The following ARHGAP39 variants were observed in gnomAD, a reference collection of about 807,000 sequenced individuals.
ARHGAP39 encodes rho GTPase-activating protein 39.
Under a neutral mutation model 106.9 loss-of-function variants are expected in ARHGAP39, and 44 were observed. The observed-to-expected ratio is 0.41, with a 90% confidence interval of 0.32 to 0.53. The LOEUF is 0.53. ARHGAP39 is among the 20% of genes least tolerant of loss of function. ARHGAP39 has a pLI of 0.21. For synonymous variants in ARHGAP39, 768 were observed against 693.2 expected (o/e 1.11, Z -1.69); for missense variants, 1,496 against 1,577.3 (o/e 0.95, Z 0.87).
In ARHGAP39 at chr8:144,681,912, TGAG is replaced by T. The variant is rs1822429867; in HGVS notation, c.-82+3771_-82+3773del. Among the ~76,000 whole-genome samples, 4 of 152,272 alleles carry T rather than the reference TGAG, an allele frequency of 2.6e-5. No individual in the cohort carries two copies. The South Asian group carries it at 6.2e-4, about 24-fold the overall frequency. On this transcript the variant is annotated intron_variant, in intron 1 of 11. Coordinates refer to ENST00000377307, the MANE Select transcript of ARHGAP39 (RefSeq NM_025251.3). ...TACAGAGGGAAGAGGTGACCAGACT[TGAG>T]GAGGACCATCTCCTTGAGAAATATG... is the stretch of plus-strand genomic sequence containing the variant.
rs1171905324 is a variant in ARHGAP39 at position 144,684,623 on chromosome 8, G to A, written c.-82+1063C>T. Among the ~76,000 whole-genome samples, 1 of 152,156 alleles carries A rather than the reference G, an allele frequency of 6.6e-6. No individual in the cohort carries two copies. Reference sequence around the variant, plus strand: ...CACACCCACAGCTGCCAAGGAGCCGGCTGCACGTTTTAAAATAAAAAACGT... The same window carrying A: ...CACACCCACAGCTGCCAAGGAGCCGACTGCACGTTTTAAAATAAAAAACGT... On this transcript the variant is annotated intron_variant, in intron 1 of 11. Coordinates refer to ENST00000377307, the MANE Select transcript of ARHGAP39 (RefSeq NM_025251.3). The surrounding 1 kb of genome is among the most constrained non-coding windows in gnomAD (Gnocchi z 4.4).
intron 1 of ARHGAP39, among the ~76,000 whole-genome samples, chr8:144,650,001 G>C (rs1386714063): frequency 6.6e-6 from 1 of 151,914 alleles, no homozygotes; most frequent in Non-Finnish European, 1.5e-5. Context: ...AAACCAGCCG[G>C]GCATGGTGGT....
intron 1 of ARHGAP39, among the ~76,000 whole-genome samples, chr8:144,627,554 C>CA (rs386414277): frequency 0.057 from 5,919 of 103,744 alleles, 698 homozygotes; most frequent in African/African-American, 0.21. Context: ...GACTCCATCT[C>CA]AAAAAAAAAA....
At chr8:144,637,711 C>CT (rs544955777) in intron 1 of ARHGAP39, among the ~76,000 whole-genome samples, 20 of 148,652 alleles carry the variant, frequency 1.3e-4, no homozygotes, top group South Asian at 8.6e-4. Context: ...CTCTCTCTCT[C>CT]TTTTTTTTTT....
In ARHGAP39 at chr8:144,670,142, G is replaced by C. The variant is rs149975049; in HGVS notation, c.-82+15544C>G. ...AGCAACAGAGCTCGGATGCATGCTA[G>C]AGCGTACCGGGAAGCAGGATCAGGG... On this transcript the variant is annotated intron_variant, in intron 1 of 11. Coordinates refer to ENST00000377307, the MANE Select transcript of ARHGAP39 (RefSeq NM_025251.3). This position sits in a 1 kb window ranked among gnomAD's most constrained non-coding sequence, Gnocchi z 4.4. 1.2e-3 allele frequency among the ~76,000 whole-genome samples: 182 copies of C among 152,282 alleles called. No homozygotes were observed. The highest frequency in any genetic ancestry group is 2.9e-3 in the Admixed American group (45 of 15,304).
At position 144,590,105 on chromosome 8, in the gene ARHGAP39, A is replaced by G. The variant is rs138110780; in HGVS notation, c.81-8828T>C. 2.7e-3 allele frequency among the ~76,000 whole-genome samples: 406 copies of G among 152,316 alleles called. 2 individuals carry two copies. Among genetic ancestry groups the G allele is most frequent in the Non-Finnish European group, 4.0e-3 (270 of 68,020 alleles). On this transcript the variant is annotated intron_variant, in intron 2 of 11. Transcript: ENST00000377307. Reference sequence around the variant, plus strand: ...TTGGTGGGCTCACCAGGGACACCACATGGCACGTGGGACAGAGGCCAGAGA... The same window carrying G: ...TTGGTGGGCTCACCAGGGACACCACGTGGCACGTGGGACAGAGGCCAGAGA...
chr8:144,650,523 T>G (rs1031793736), intron 1 of ARHGAP39, among the ~76,000 whole-genome samples: 1 of 152,134 alleles, frequency 6.6e-6, no homozygotes, highest in Non-Finnish European at 1.5e-5. Context: ...ACTTGCAAAC[T>G]GAATCCAGCA....
At chr8:144,648,527 G>A (rs529831816) in intron 1 of ARHGAP39, among the ~76,000 whole-genome samples, 5 of 152,272 alleles carry the variant, frequency 3.3e-5, no homozygotes, top group East Asian at 3.9e-4. Flanking sequence ...GAGCAAGGGC[G>A]ATATCAGATA....
chr8:144,545,772 G>A lies in ARHGAP39; in HGVS notation c.1998C>T (p.Ser666=). The A allele has an allele frequency of 1.3e-6, 2 of 1,596,722 alleles. No individual in the cohort carries two copies. Among genetic ancestry groups the A allele is most frequent in the Non-Finnish European group, 1.7e-6 (2 of 1,172,416 alleles). The change falls in exon 6 of 12, where the codon AGC becomes AGT. Residue 666 remains serine, a synonymous_variant. Coordinates refer to ENST00000377307, the MANE Select transcript of ARHGAP39 (RefSeq NM_025251.3). ...DLAACAQFES[S]RQSRSGVPSS... is the part of the protein sequence containing the mutation. ...TGGGAACGCCGCTGCGGCTCTGCCG[G>A]CTGCTCTCGAACTGGGCACAGGCAG...
chr8:144,568,227 G>A (rs1266261452), intron 3 of ARHGAP39, among the ~76,000 whole-genome samples: 1 of 151,424 alleles, frequency 6.6e-6, no homozygotes, highest in African/African-American at 2.4e-5. Context: ...CCAGCTACTT[G>A]GGAGGCTAAG....
intron 2 of ARHGAP39, among the ~76,000 whole-genome samples, chr8:144,590,747 C>T (rs982383737): frequency 1.3e-5 from 2 of 151,444 alleles, no homozygotes; most frequent in African/African-American, 4.9e-5. Flanking sequence ...CAGAGACACC[C>T]CTACCCCCCC....
rs555070383 is a variant in ARHGAP39, at chr8:144,576,142, C to T, written c.512+4704G>A. Among the ~76,000 whole-genome samples, 12 of 152,004 alleles carry T rather than the reference C, an allele frequency of 7.9e-5. No individual in the cohort carries two copies. The East Asian group carries it at 1.9e-3, about 24-fold the overall frequency. ...GTTAAGAGATCGAGACCAGCCCAGC[C>T]ACCAACATGGTGAAACCGTGTCTCT... is the stretch of plus-strand genomic sequence containing the variant. On this transcript the variant is annotated intron_variant, in intron 3 of 11. Coordinates refer to ENST00000377307, the MANE Select transcript of ARHGAP39 (RefSeq NM_025251.3).
intron 1 of ARHGAP39, among the ~76,000 whole-genome samples, chr8:144,661,796 A>AC (rs958091226): frequency 3.3e-5 from 5 of 150,862 alleles, no homozygotes; most frequent in Non-Finnish European, 7.4e-5. Flanking sequence ...TCCACCTTGG[A>AC]CCCCTCCTGT....
At position 144,580,858 on chromosome 8, in the gene ARHGAP39, T is replaced by G; in HGVS notation, c.500A>C (p.Glu167Ala). ...GRPAAFGTVK[E>A]DSGSSSPPGV... ...CCCCCGCCCTCACCTGCCGCTGTCC[T>G]CCTTCACTGTCCCAAACGCCGCGGG... The change falls in exon 3 of 12, where the codon GAG becomes GCG. Residue 167 changes from glutamate (E) to alanine (A), a missense_variant. Physicochemically the swap from Glu to Ala is moderately radical, Grantham distance 107. Transcript: ENST00000377307. The G allele has an allele frequency of 6.4e-7, 1 of 1,555,214 alleles. No homozygotes were observed. The highest frequency in any genetic ancestry group is 8.6e-7 in the Non-Finnish European group (1 of 1,157,196).
rs536896365 is a variant in ARHGAP39, at chr8:144,544,466, G to T, written c.2521+783C>A. On this transcript the variant is annotated intron_variant, in intron 6 of 11. Transcript: ENST00000377307. ...GTCTATGGCATGTCTGACCTGGAGG[G>T]TGTGTGTGCGTGCGTGCATGTGTGT... Among the ~76,000 whole-genome samples the T allele has an allele frequency of 3.3e-5, 5 of 152,354 alleles. No individual in the cohort carries two copies. In the South Asian group the frequency reaches 1.0e-3, roughly 32 times the overall value.
intron 1 of ARHGAP39, among the ~76,000 whole-genome samples, chr8:144,676,029 A>G (rs1822228079): frequency 6.6e-6 from 1 of 151,374 alleles, no homozygotes; most frequent in African/African-American, 2.4e-5. Context: ...GAAGCTGCAG[A>G]CCTTCTCGGT....
chr8:144,619,891 TAC>T (rs2130965620), intron 1 of ARHGAP39, among the ~76,000 whole-genome samples: 1 of 147,328 alleles, frequency 6.8e-6, no homozygotes, highest in Non-Finnish European at 1.5e-5. Context: ...AGTGAGCCTG[TAC>T]ATCCCTGAGA....
Position 144,648,506 on chromosome 8 carries a change from G to A in ARHGAP39, c.-82+37180C>T, listed in dbSNP as rs377600694. Reference sequence around the variant, plus strand: ...TTCCAGAAAGAAAACAGCCTAGGAGGAAACCATACTGAGCAAGGGCGATAT... The same window carrying A: ...TTCCAGAAAGAAAACAGCCTAGGAGAAAACCATACTGAGCAAGGGCGATAT... On this transcript the variant is annotated intron_variant, in intron 1 of 11. Coordinates refer to ENST00000377307, the MANE Select transcript of ARHGAP39 (RefSeq NM_025251.3). 1.2e-3 allele frequency among the ~76,000 whole-genome samples: 180 copies of A among 152,322 alleles called. 2 individuals are homozygous for A. The highest frequency in any genetic ancestry group is 3.4e-3 in the Middle Eastern group (1 of 294).
At position 144,679,140 on chromosome 8, in the gene ARHGAP39, G is replaced by A. The variant is rs1330286952; in HGVS notation, c.-82+6546C>T. On this transcript the variant is annotated intron_variant, in intron 1 of 11. Transcript: ENST00000377307. The surrounding 1 kb of genome is among the most constrained non-coding windows in gnomAD (Gnocchi z 4.7). ...TCTGAGCCGCCTCAGGGGCTCTCGC[G>A]CATGGTGGCCGGCTCCAGCGTCCAG... 6.6e-6 allele frequency among the ~76,000 whole-genome samples: 1 copy of A among 152,312 alleles called. No homozygotes were observed. The highest frequency in any genetic ancestry group is 2.4e-5 in the African/African-American group (1 of 41,590).
Sources: allele counts gnomAD v4.1 joint callset (sites outside exome capture counted in the v4.1 genomes callset), GRCh38; gene constraint gnomAD v4.1.1; non-coding constraint Gnocchi (gnomAD v3.1); transcripts MANE v1.5; gene names NCBI Gene and HGNC (gene_info 2026-07-23, HGNC 2026-07-21).